The following XYLT1 variants were observed in gnomAD, a reference collection of about 807,000 sequenced individuals.
The protein encoded by XYLT1 is xylosyltransferase 1.
XYLT1 carries 36 observed loss-of-function variants against 91.3 expected under a neutral mutation model. The ratio of observed to expected loss-of-function variants is 0.39; its 90% CI spans 0.30 to 0.52. XYLT1 has a LOEUF of 0.52. Ranked by LOEUF, XYLT1 falls within the 20% of genes least tolerant of loss-of-function variation. The pLI is 0.68. For synonymous variants in XYLT1, 588 were observed against 532.0 expected (o/e 1.11, Z -1.45); for missense variants, 1,242 against 1,284.5 (o/e 0.97, Z 0.51).
At chr16:17,377,955 C>T (rs753072782) in intron 1 of XYLT1, among the ~76,000 whole-genome samples, 64 of 152,204 alleles carry the variant, frequency 4.2e-4, no homozygotes, top group Non-Finnish European at 8.5e-4. Context: ...AAGGGAAGAA[C>T]TGAGGCTTTG....
chr16:17,353,950 G>A (rs1226569453), intron 2 of XYLT1, among the ~76,000 whole-genome samples: 1 of 152,128 alleles, frequency 6.6e-6, no homozygotes, highest in African/African-American at 2.4e-5. Context: ...CTGACCCTTA[G>A]GTACCTCATG....
At chr16:17,405,005 T>C (rs2036013201) in intron 1 of XYLT1, among the ~76,000 whole-genome samples, 1 of 152,180 alleles carries the variant, frequency 6.6e-6, no homozygotes, top group African/African-American at 2.4e-5. Context: ...CATAACTTTC[T>C]GGAGGGATGA....
At chr16:17,304,765 T>A (rs991149800) in intron 2 of XYLT1, among the ~76,000 whole-genome samples, 1 of 152,178 alleles carries the variant, frequency 6.6e-6, no homozygotes, top group African/African-American at 2.4e-5. Context: ...TAAGGCTGCT[T>A]GGGAAGGTAA....
At chr16:17,399,446 C>G (rs1039442040) in intron 1 of XYLT1, among the ~76,000 whole-genome samples, 1 of 152,152 alleles carries the variant, frequency 6.6e-6, no homozygotes, top group Non-Finnish European at 1.5e-5. Context: ...GCTCCCTCCT[C>G]ATTACACTGT....
intron 3 of XYLT1, among the ~76,000 whole-genome samples, chr16:17,248,744 A>AT (rs2033485971): frequency 1.6e-5 from 2 of 128,088 alleles, no homozygotes; most frequent in African/African-American, 6.6e-5. Flanking sequence ...TTTACATGTG[A>AT]ATTTTTTTTT....
intron 6 of XYLT1, among the ~76,000 whole-genome samples, chr16:17,156,119 G>T (rs768395757): frequency 6.6e-6 from 1 of 152,172 alleles, no homozygotes; most frequent in Non-Finnish European, 1.5e-5. Context: ...TATGAAACCA[G>T]TTCAGAGAGG....
chr16:17,354,473 G>A (rs575932748), intron 2 of XYLT1, among the ~76,000 whole-genome samples: 2 of 152,330 alleles, frequency 1.3e-5, no homozygotes, highest in South Asian at 4.1e-4. Flanking sequence ...AGGGATGCGT[G>A]AAGGAAAGGG....
chr16:17,258,867 TGGG>T lies in XYLT1; in HGVS notation c.913+118_913+120del. On this transcript the variant is annotated intron_variant, in intron 3 of 11. Transcript: ENST00000261381. ...ACACATCAGATCTCGTGTGCTCATC[TGGG>T]GTTTGGAAAACAGGGTGGCCTTTCT... 5.7e-6 allele frequency: 7 copies of T among 1,228,372 alleles called. No homozygotes were observed. In the South Asian group the frequency reaches 1.0e-4, roughly 18 times the overall value. The allele number at this position is 1,228,372 out of a possible 1,614,324, so 76.1% of individuals were successfully genotyped here.
At chr16:17,146,233 T>A (rs1253020843) in intron 6 of XYLT1, among the ~76,000 whole-genome samples, 1 of 152,182 alleles carries the variant, frequency 6.6e-6, no homozygotes, top group Non-Finnish European at 1.5e-5. Flanking sequence ...CATTGGCTAC[T>A]ATGGAAGATA....
chr16:17,190,222 G>A (rs890106579), intron 5 of XYLT1, among the ~76,000 whole-genome samples: 5 of 152,144 alleles, frequency 3.3e-5, no homozygotes, highest in African/African-American at 9.7e-5. Flanking sequence ...ACGGTTGCCT[G>A]ACACTGTGAA....
At chr16:17,125,543 C>T (rs1039492058) in intron 10 of XYLT1, among the ~76,000 whole-genome samples, 3 of 151,872 alleles carry the variant, frequency 2.0e-5, no homozygotes, top group Non-Finnish European at 4.4e-5. Context: ...TGTATATGCT[C>T]TTCTCTCTGC....
intron 2 of XYLT1, among the ~76,000 whole-genome samples, chr16:17,286,025 T>C (rs1369534767): frequency 6.6e-6 from 1 of 151,962 alleles, no homozygotes; most frequent in Non-Finnish European, 1.5e-5. Context: ...GCTAACACAA[T>C]GGGGGTCTGG....
At chr16:17,291,876 G>C (rs1206036910) in intron 2 of XYLT1, among the ~76,000 whole-genome samples, 1 of 152,058 alleles carries the variant, frequency 6.6e-6, no homozygotes, top group Non-Finnish European at 1.5e-5. Context: ...GGTAAGGAAA[G>C]GAATGAAGAG....
intron 1 of XYLT1, among the ~76,000 whole-genome samples, chr16:17,440,078 T>C (rs2036513087): frequency 6.6e-6 from 1 of 152,220 alleles, no homozygotes; most frequent in African/African-American, 2.4e-5. Flanking sequence ...AGCTTCCCTA[T>C]GGTTAGGACC....
chr16:17,239,891 C>G (rs2033319514), intron 3 of XYLT1, among the ~76,000 whole-genome samples: 1 of 152,220 alleles, frequency 6.6e-6, no homozygotes, highest in South Asian at 2.1e-4. Flanking sequence ...TTCATCCACT[C>G]AACCCATCTT....
intron 1 of XYLT1, among the ~76,000 whole-genome samples, chr16:17,390,143 C>T (rs528514211): frequency 6.0e-4 from 92 of 152,214 alleles, no homozygotes; most frequent in African/African-American, 2.1e-3. Flanking sequence ...GTTCTTAATC[C>T]GAACATCATT....
intron 1 of XYLT1, among the ~76,000 whole-genome samples, chr16:17,450,226 T>C (rs1023381916): frequency 2.0e-5 from 3 of 152,048 alleles, no homozygotes; most frequent in Non-Finnish European, 2.9e-5. Flanking sequence ...TAATCCCAGC[T>C]ACTCAGGAGG....
At chr16:17,212,846 A>C (rs2032785940) in intron 3 of XYLT1, among the ~76,000 whole-genome samples, 2 of 152,236 alleles carry the variant, frequency 1.3e-5, no homozygotes, top group African/African-American at 4.8e-5. Context: ...GGTCCCAGTC[A>C]CTTGGCCTGT....
chr16:17,138,764 A>G, intron 7 of XYLT1: 2 of 483,970 alleles, frequency 4.1e-6, no homozygotes, highest in Non-Finnish European at 7.4e-6. Context: ...ATAGCAATGC[A>G]AAAATGTATA....
Sources: allele counts gnomAD v4.1 joint callset (sites outside exome capture counted in the v4.1 genomes callset), GRCh38; gene constraint gnomAD v4.1.1; transcripts MANE v1.5; gene names NCBI Gene and HGNC (gene_info 2026-07-23, HGNC 2026-07-21).